KIF26B: variants seen among roughly 807,000 people sequenced by gnomAD.
The protein encoded by KIF26B is kinesin family member 26B.
A neutral mutation model predicts 151.2 loss-of-function variants in KIF26B; 63 were observed. The ratio of observed to expected loss-of-function variants is 0.42; its 90% CI spans 0.34 to 0.51. The LOEUF is 0.51. Among genes scored for constraint, KIF26B ranks in the 20% least tolerant of loss-of-function variants. The probability of loss-of-function intolerance (pLI) is 0.07; values close to 1 mark genes in which losing one functional copy is unlikely to be tolerated. For missense variants in KIF26B, 2,813 were observed against 2,913.6 expected, an observed-to-expected ratio of 0.97 and a Z score of 0.79; for synonymous variants, 1,357 against 1,262.1, an observed-to-expected ratio of 1.08 and a Z score of -1.59.
intron 5 of KIF26B, among the ~76,000 whole-genome samples, chr1:245,567,459 T>C (rs997006421): frequency 1.3e-5 from 2 of 152,090 alleles, no homozygotes; most frequent in Admixed American, 1.3e-4. Context: ...CGAGCACCCT[T>C]CACCCCTCCC....
At chr1:245,377,642 C>T (rs1673308506) in intron 3 of KIF26B, among the ~76,000 whole-genome samples, 1 of 152,074 alleles carries the variant, frequency 6.6e-6, no homozygotes, top group Non-Finnish European at 1.5e-5. Context: ...AGACAGATAA[C>T]TAGCTAGCTA....
At chr1:245,455,832 G>A (rs1572070509) in intron 4 of KIF26B, among the ~76,000 whole-genome samples, 1 of 152,176 alleles carries the variant, frequency 6.6e-6, no homozygotes, top group East Asian at 1.9e-4. Flanking sequence ...TCAGGACATG[G>A]CTGCCCAGTG....
At chr1:245,631,349 T>A (rs568706190) in intron 9 of KIF26B, among the ~76,000 whole-genome samples, 1 of 152,234 alleles carries the variant, frequency 6.6e-6, no homozygotes, top group African/African-American at 2.4e-5. Flanking sequence ...ATGTTAGATT[T>A]TATCAAATAT....
In KIF26B at chr1:245,155,161, G is replaced by A; in HGVS notation, c.-264G>A. 5.5e-6 allele frequency: 3 copies of A among 549,400 alleles called. No individual in the cohort carries two copies. Among genetic ancestry groups the A allele is most frequent in the Non-Finnish European group, 9.4e-6 (3 of 318,206 alleles). The allele number at this position is 549,400 out of a possible 1,614,324, so 34.0% of individuals were successfully genotyped here. On this transcript the variant is annotated 5_prime_UTR_variant, in exon 1 of 15. In the 5' UTR this introduces an upstream ATG that the reference lacks. Transcript: ENST00000407071. ...GTGGATGTGGCCGTGACAAGAGGAC[G>A]TGCGGCTGGAAGAGGCAGAAGGGGA...
At position 245,167,006 on chromosome 1, in the gene KIF26B, G is replaced by A. The variant is rs1016140072; in HGVS notation, c.465+10323G>A. 6.6e-6 allele frequency among the ~76,000 whole-genome samples: 1 copy of A among 152,200 alleles called. No homozygotes were observed. The highest frequency in any genetic ancestry group is 1.5e-5 in the Non-Finnish European group (1 of 68,036). ...ATGCAGAACGATAAATATGTCTTAA[G>A]TGTTATAGACCAGGTTACAGCTGAG... On this transcript the variant is annotated intron_variant, in intron 2 of 14. Transcript: ENST00000407071. The surrounding 1 kb of genome is among the most constrained non-coding windows in gnomAD (Gnocchi z 4.2).
intron 4 of KIF26B, among the ~76,000 whole-genome samples, chr1:245,498,952 G>A (rs916878748): frequency 7.2e-5 from 11 of 152,218 alleles, no homozygotes; most frequent in African/African-American, 2.7e-4. Context: ...GCATGTGTTA[G>A]ATGGGAAGAG....
At chr1:245,204,742 A>G (rs2103539981) in intron 2 of KIF26B, among the ~76,000 whole-genome samples, 1 of 151,894 alleles carries the variant, frequency 6.6e-6, no homozygotes, top group South Asian at 2.1e-4. Context: ...CCCCTTAAAA[A>G]TCTTAAGTTT....
At chr1:245,328,249 G>T (rs138364418) in intron 2 of KIF26B, among the ~76,000 whole-genome samples, 47 of 151,528 alleles carry the variant, frequency 3.1e-4, no homozygotes, top group African/African-American at 1.1e-3. Context: ...TATTTTGCAG[G>T]GGGGAGGGGG....
At chr1:245,685,287 G>A (rs1371511038) in intron 11 of KIF26B, 118 bp from the exon 12 acceptor site, 10 of 843,768 alleles carry the variant, frequency 1.2e-5, no homozygotes, top group South Asian at 3.5e-5. Context: ...GGAGGCCAAC[G>A]GGGGTGGCTG....
chr1:245,507,235 G>T (rs1444753833), intron 4 of KIF26B, among the ~76,000 whole-genome samples: 3 of 152,198 alleles, frequency 2.0e-5, no homozygotes, highest in Admixed American at 2.0e-4. Flanking sequence ...AGAGCAGAAG[G>T]TTGCAGGTTG....
At chr1:245,309,746 C>T (rs1186557058) in intron 2 of KIF26B, among the ~76,000 whole-genome samples, 1 of 147,124 alleles carries the variant, frequency 6.8e-6, no homozygotes, top group East Asian at 1.9e-4. Context: ...CCTATTAGTC[C>T]TGTTTCTCCA....
chr1:245,302,861 T>TACAC (rs1671451729), intron 2 of KIF26B, among the ~76,000 whole-genome samples: 1 of 151,218 alleles, frequency 6.6e-6, no homozygotes, highest in Non-Finnish European at 1.5e-5. Context: ...TGGTGGCGGG[T>TACAC]GCCTGTAATC....
chr1:245,492,140 G>A (rs1353239540), intron 4 of KIF26B, among the ~76,000 whole-genome samples: 3 of 152,222 alleles, frequency 2.0e-5, no homozygotes, highest in Non-Finnish European at 4.4e-5. Context: ...GGGACAAGCA[G>A]CAATGCTGTT....
chr1:245,317,002 G>A (rs1288894449), intron 2 of KIF26B, among the ~76,000 whole-genome samples: 2 of 152,080 alleles, frequency 1.3e-5, no homozygotes, highest in Admixed American at 6.5e-5. Context: ...TCTGTTACAC[G>A]GTGGTGATAT....
At chr1:245,652,384 G>A (rs181375907) in intron 10 of KIF26B, among the ~76,000 whole-genome samples, 1 of 152,190 alleles carries the variant, frequency 6.6e-6, no homozygotes, top group Non-Finnish European at 1.5e-5. Flanking sequence ...TTTTAGTGAT[G>A]GTTAGGATGC....
intron 10 of KIF26B, among the ~76,000 whole-genome samples, chr1:245,658,507 C>T (rs1558255405): frequency 6.6e-6 from 1 of 152,188 alleles, no homozygotes; most frequent in Non-Finnish European, 1.5e-5. Flanking sequence ...CCTCCCACCT[C>T]AGCCTCCCAT....
At position 245,171,352 on chromosome 1, in the gene KIF26B, A is replaced by G. The variant is rs12045909; in HGVS notation, c.465+14669A>G. On this transcript the variant is annotated intron_variant, in intron 2 of 14. Coordinates refer to ENST00000407071, the MANE Select transcript of KIF26B (RefSeq NM_018012.4). ...ATGTCGGGAGTTCGAAACCAGCCTG[A>G]CCAACATGGTGAAACCCCGTCTCTA... Among the ~76,000 whole-genome samples, 1,544 of 152,130 alleles carry G rather than the reference A, an allele frequency of 0.01. 68 individuals are homozygous for G. The East Asian group carries it at 0.11, about 11-fold the overall frequency.
In KIF26B at chr1:245,168,157, C is replaced by T. The variant is rs75070137; in HGVS notation, c.465+11474C>T. Among the ~76,000 whole-genome samples, 1,254 of 152,318 alleles carry T rather than the reference C, an allele frequency of 8.2e-3. 19 individuals are homozygous for T. Among genetic ancestry groups the T allele is most frequent in the African/African-American group, 0.028 (1,177 of 41,572 alleles). On this transcript the variant is annotated intron_variant, in intron 2 of 14. Transcript: ENST00000407071. The stretch of plus-strand genomic sequence containing the variant: ...CTGTGAAGCTGAGGCTTTGGGAGTC[C>T]ACTCCGTGAACCCAGATTCCACAGG...
In KIF26B at chr1:245,170,990, G is replaced by T. The variant is rs1668697893; in HGVS notation, c.465+14307G>T. 6.6e-6 allele frequency among the ~76,000 whole-genome samples: 1 copy of T among 152,190 alleles called. No homozygotes were observed. The highest frequency in any genetic ancestry group is 2.4e-5 in the African/African-American group (1 of 41,446). On this transcript the variant is annotated intron_variant, in intron 2 of 14. Coordinates refer to ENST00000407071, the MANE Select transcript of KIF26B (RefSeq NM_018012.4). This position sits in a 1 kb window ranked among gnomAD's most constrained non-coding sequence, Gnocchi z 4.4. ...CATGTGATTACATCCCAATGGAGTT[G>T]GGCATGAGAATAAGAAAGAAATCTC...
Sources: gnomAD v4.1 joint callset for allele counts (sites outside exome capture counted in the v4.1 genomes callset) on GRCh38, gnomAD v4.1.1 for gene constraint, Gnocchi (gnomAD v3.1) non-coding constraint, MANE v1.5 for transcripts, NCBI Gene and HGNC (gene_info 2026-07-23, HGNC 2026-07-21) for gene names.